The following C8orf34 variants were observed in gnomAD, a reference collection of about 807,000 sequenced individuals.
C8orf34 encodes the protein uncharacterized protein C8orf34.
A neutral mutation model predicts 68.3 loss-of-function variants in C8orf34; 65 were observed. That is an observed-to-expected ratio of 0.95 (90% confidence interval 0.78 to 1.17). The LOEUF (loss-of-function observed/expected upper bound fraction) is 1.17, where lower values mean the gene tolerates loss of function less well. C8orf34 is among the 50% of genes most tolerant of loss of function. The pLI, the probability that C8orf34 is intolerant of heterozygous loss-of-function variation, is 0.00. For missense variants in C8orf34, 664 were observed against 655.4 expected (o/e 1.01, Z -0.14); for synonymous variants, 244 against 241.2 (o/e 1.01, Z -0.11).
chr8:68,679,440 G>C lies in C8orf34; in HGVS notation c.1242-29554G>C, dbSNP rs577279776. 3.9e-5 allele frequency among the ~76,000 whole-genome samples: 6 copies of C among 152,008 alleles called. No homozygotes were observed. In the South Asian group the frequency reaches 1.3e-3, roughly 32 times the overall value. ...AAAAATTTAAGAGGACACAAAAATGGAAAGGTATTCCATATTCATGGATTA... is the reference window on the plus strand; with the variant it reads ...AAAAATTTAAGAGGACACAAAAATGCAAAGGTATTCCATATTCATGGATTA... On this transcript the variant is annotated intron_variant, in intron 8 of 13. Transcript: ENST00000518698.
intron 10 of C8orf34, among the ~76,000 whole-genome samples, chr8:68,753,414 T>G (rs546784013): frequency 8.5e-5 from 13 of 152,344 alleles, no homozygotes; most frequent in African/African-American, 3.1e-4. Context: ...AGGAAAATTA[T>G]CTAAATGCAC....
chr8:68,457,148 AT>A (rs144353803), intron 3 of C8orf34, among the ~76,000 whole-genome samples: 15,328 of 152,138 alleles, frequency 0.1, 879 homozygotes, highest in African/African-American at 0.14. Flanking sequence ...TTCTCAGGGT[AT>A]TTTTTTAAAT....
chr8:68,756,447 C>T (rs1822862385), intron 10 of C8orf34, among the ~76,000 whole-genome samples: 1 of 152,160 alleles, frequency 6.6e-6, no homozygotes, highest in Admixed American at 6.5e-5. Context: ...ATTTGCTAAG[C>T]ACCTCTGCTG....
At chr8:68,645,465 TAA>T (rs1215354859) in intron 8 of C8orf34, among the ~76,000 whole-genome samples, 1 of 152,180 alleles carries the variant, frequency 6.6e-6, no homozygotes, top group African/African-American at 2.4e-5. Context: ...TCTCTCTGCC[TAA>T]GACTTCTGCC....
intron 9 of C8orf34, among the ~76,000 whole-genome samples, chr8:68,709,862 A>G (rs780113798): frequency 7.9e-5 from 12 of 152,206 alleles, no homozygotes; most frequent in Non-Finnish European, 1.3e-4. Context: ...TGCCACTCCA[A>G]TGCCATCTAA....
At chr8:68,762,818 G>C (rs1178075604) in intron 10 of C8orf34, among the ~76,000 whole-genome samples, 1 of 152,184 alleles carries the variant, frequency 6.6e-6, no homozygotes, top group Non-Finnish European at 1.5e-5. Flanking sequence ...AGAATTAACA[G>C]AGAAATTTCT....
intron 1 of C8orf34, among the ~76,000 whole-genome samples, chr8:68,393,403 G>A (rs1808555302): frequency 6.6e-6 from 1 of 152,124 alleles, no homozygotes; most frequent in Admixed American, 6.6e-5. Context: ...GTAGAACAAA[G>A]CACAGGAATG....
chr8:68,737,483 A>G (rs184657868), intron 10 of C8orf34, among the ~76,000 whole-genome samples: 333 of 152,152 alleles, frequency 2.2e-3, no homozygotes, highest in Middle Eastern at 6.8e-3. Flanking sequence ...TGGTCAGCTG[A>G]ATAAAGAACC....
intron 1 of C8orf34, among the ~76,000 whole-genome samples, chr8:68,394,431 T>C (rs1808606878): frequency 6.6e-6 from 1 of 151,984 alleles, no homozygotes; most frequent in Admixed American, 6.6e-5. Context: ...TCATTTTTTA[T>C]GGCTGCACAG....
chr8:68,561,139 C>T (rs774880137), intron 7 of C8orf34, among the ~76,000 whole-genome samples: 103 of 151,830 alleles, frequency 6.8e-4, no homozygotes, highest in Non-Finnish European at 1.3e-3. Context: ...CATGCCACCA[C>T]ACCGGGCTAA....
intron 9 of C8orf34, among the ~76,000 whole-genome samples, chr8:68,716,107 C>A (rs1158149605): frequency 1.3e-5 from 2 of 151,424 alleles, no homozygotes; most frequent in Non-Finnish European, 2.9e-5. Flanking sequence ...TATGTGGGAG[C>A]TAAGCTATGA....
At chr8:68,343,349 C>T (rs1806151445) in intron 1 of C8orf34, among the ~76,000 whole-genome samples, 1 of 152,150 alleles carries the variant, frequency 6.6e-6, no homozygotes, top group African/African-American at 2.4e-5. Flanking sequence ...ATCACTCGTG[C>T]TTTGCAGGTG....
intron 6 of C8orf34, among the ~76,000 whole-genome samples, chr8:68,526,612 T>C (rs1396378809): frequency 6.7e-6 from 1 of 150,158 alleles, no homozygotes; most frequent in East Asian, 2.0e-4. Context: ...AACAATTGAG[T>C]GTGAAACTTT....
At chr8:68,535,317 T>C (rs1003193641) in intron 7 of C8orf34, 30 of 981,672 alleles carry the variant, frequency 3.1e-5, no homozygotes, top group South Asian at 9.4e-5. Flanking sequence ...TAGATGTGTG[T>C]GCTATAGCTT....
intron 8 of C8orf34, among the ~76,000 whole-genome samples, chr8:68,651,221 T>C (rs1026962811): frequency 6.6e-6 from 1 of 152,140 alleles, no homozygotes; most frequent in Non-Finnish European, 1.5e-5. Flanking sequence ...AAGACTGTGA[T>C]GTGAAGGAAA....
intron 1 of C8orf34, among the ~76,000 whole-genome samples, chr8:68,377,640 C>T (rs748525828): frequency 6.6e-6 from 1 of 152,220 alleles, no homozygotes; most frequent in East Asian, 1.9e-4. Flanking sequence ...ATTCACATGA[C>T]CACTTTTTTG....
intron 8 of C8orf34, among the ~76,000 whole-genome samples, chr8:68,683,417 C>G (rs562831441): frequency 6.6e-6 from 1 of 151,404 alleles, no homozygotes; most frequent in Non-Finnish European, 1.5e-5. Flanking sequence ...CTTGACCTAA[C>G]GGGGAGTACT....
At chr8:68,647,409 G>C (rs1223590425) in intron 8 of C8orf34, among the ~76,000 whole-genome samples, 2 of 152,176 alleles carry the variant, frequency 1.3e-5, no homozygotes, top group African/African-American at 4.8e-5. Context: ...AGTCAAAATA[G>C]AATTACTATA....
chr8:68,410,052 A>T (rs1405494848), intron 1 of C8orf34, among the ~76,000 whole-genome samples: 2 of 152,174 alleles, frequency 1.3e-5, no homozygotes, highest in African/African-American at 4.8e-5. Context: ...TCCCACAATG[A>T]CAAAATTGCC....
Sources: gnomAD v4.1 joint callset for allele counts (sites outside exome capture counted in the v4.1 genomes callset) on GRCh38, gnomAD v4.1.1 for gene constraint, MANE v1.5 for transcripts, NCBI Gene and HGNC (gene_info 2026-07-23, HGNC 2026-07-21) for gene names.